ELOVL2: variants seen among roughly 807,000 people sequenced by gnomAD.
ELOVL2 encodes the protein ELOVL fatty acid elongase 2, also known as very long chain fatty acid elongase 2.
ELOVL2 carries 38 observed loss-of-function variants against 37.7 expected under a neutral mutation model. The observed-to-expected ratio is 1.01, with a 90% confidence interval of 0.78 to 1.32. The LOEUF (loss-of-function observed/expected upper bound fraction) is 1.32, where lower values mean the gene tolerates loss of function less well. Ranked by LOEUF, ELOVL2 falls within the 40% of genes most tolerant of loss-of-function variation. ELOVL2 has a pLI of 0.00. For missense variants in ELOVL2, 352 were observed against 363.6 expected, an observed-to-expected ratio of 0.97 and a Z score of 0.26; for synonymous variants, 115 against 122.3, an observed-to-expected ratio of 0.94 and a Z score of 0.40.
chr6:11,026,713 C>T (rs1161360220), intron 1 of ELOVL2, among the ~76,000 whole-genome samples: 1 of 152,194 alleles, frequency 6.6e-6, no homozygotes, highest in Non-Finnish European at 1.5e-5. Context: ...TAAAAGGCCT[C>T]TCTAGCTTTA....
rs1782057027 is a variant in ELOVL2, at chr6:10,986,540, T to G, written c.766-2634A>C. Among the ~76,000 whole-genome samples, 11 of 152,346 alleles carry G rather than the reference T, an allele frequency of 7.2e-5. No homozygotes were observed. The South Asian group carries it at 2.3e-3, about 32-fold the overall frequency. ...TACGTCCCATCAATACCTAATTTAC[T>G]GAGAGTTTTTAGCATGAAGGGTTGT... is the stretch of plus-strand genomic sequence containing the variant. On this transcript the variant is annotated intron_variant, in intron 7 of 7. Coordinates refer to ENST00000354666, the MANE Select transcript of ELOVL2 (RefSeq NM_017770.4).
At chr6:11,039,990 G>C (rs1783074241) in intron 1 of ELOVL2, among the ~76,000 whole-genome samples, 1 of 152,130 alleles carries the variant, frequency 6.6e-6, no homozygotes, top group Admixed American at 6.5e-5. Context: ...AAAACAAAGA[G>C]TCTACAAAAG....
At chr6:11,032,432 C>T (rs1002821457) in intron 1 of ELOVL2, among the ~76,000 whole-genome samples, 3 of 151,576 alleles carry the variant, frequency 2.0e-5, no homozygotes, top group Admixed American at 2.0e-4. Flanking sequence ...GCTTTTTCTA[C>T]TCTATGTACT....
intron 1 of ELOVL2, among the ~76,000 whole-genome samples, chr6:11,033,402 G>C (rs1473747193): frequency 6.6e-6 from 1 of 152,204 alleles, no homozygotes; most frequent in Admixed American, 6.5e-5. Context: ...GTGTACAACA[G>C]AGGATGAAAG....
chr6:11,023,128 C>A (rs1220338847), intron 1 of ELOVL2, among the ~76,000 whole-genome samples: 1 of 152,218 alleles, frequency 6.6e-6, no homozygotes, highest in Non-Finnish European at 1.5e-5. Flanking sequence ...ACTTCTTCCA[C>A]AGGAAGTGGT....
intron 1 of ELOVL2, among the ~76,000 whole-genome samples, chr6:11,027,137 G>T (rs933485603): frequency 2.0e-5 from 3 of 152,124 alleles, no homozygotes; most frequent in Non-Finnish European, 2.9e-5. Context: ...TGGTGTAAAT[G>T]CTTCTCACTT....
intron 1 of ELOVL2, 33 bp from the exon 2 acceptor site, chr6:11,010,842 T>C: frequency 6.5e-7 from 1 of 1,535,274 alleles, no homozygotes; most frequent in Non-Finnish European, 8.9e-7. Flanking sequence ...ATTTAAGTGT[T>C]TTTTTCTTCT....
intron 1 of ELOVL2, among the ~76,000 whole-genome samples, chr6:11,016,071 C>G (rs1782680106): frequency 7.0e-6 from 1 of 143,704 alleles, no homozygotes; most frequent in African/African-American, 2.5e-5. Flanking sequence ...TCTCTGGTAT[C>G]TAAAGGATAG....
chr6:11,004,416 C>CTT (rs74352598), intron 3 of ELOVL2, among the ~76,000 whole-genome samples: 16 of 142,008 alleles, frequency 1.1e-4, no homozygotes, highest in Non-Finnish European at 1.9e-4. Context: ...CTTTGTCCCT[C>CTT]TTTTTTTTTT....
chr6:11,042,708 G>A (rs1009337375), intron 1 of ELOVL2, among the ~76,000 whole-genome samples: 1 of 151,620 alleles, frequency 6.6e-6, no homozygotes, highest in African/African-American at 2.4e-5. Context: ...TGCCAAAATC[G>A]GGTCCCTCCT....
intron 1 of ELOVL2, among the ~76,000 whole-genome samples, chr6:11,036,689 T>C (rs1344612583): frequency 2.6e-5 from 4 of 151,996 alleles, no homozygotes; most frequent in Admixed American, 2.6e-4. Context: ...ATGTCTTCCC[T>C]GTAACAATTT....
intron 1 of ELOVL2, among the ~76,000 whole-genome samples, chr6:11,021,750 T>C (rs561550379): frequency 6.6e-6 from 1 of 152,282 alleles, no homozygotes; most frequent in Non-Finnish European, 1.5e-5. Flanking sequence ...AAACAGCAGT[T>C]TTCTAGTGTG....
rs776684119 is a variant in ELOVL2, at chr6:11,005,568, A to C, written c.68-9T>G. On this transcript the variant is annotated splice_polypyrimidine_tract_variant and intron_variant, in intron 2 of 7. Transcript: ENST00000354666. ...CCCTCTGACTCGAGAATCTGAAAAG[A>C]AACACATACAGTGAGGATCCTGAGG... 6.2e-7 allele frequency: 1 copy of C among 1,609,758 alleles called. No individual in the cohort carries two copies. Among genetic ancestry groups the C allele is most frequent in the South Asian group, 1.1e-5 (1 of 90,304 alleles).
chr6:11,021,422 G>A (rs1782764011), intron 1 of ELOVL2, among the ~76,000 whole-genome samples: 1 of 152,144 alleles, frequency 6.6e-6, no homozygotes, highest in African/African-American at 2.4e-5. Flanking sequence ...AAAATCTCAA[G>A]GGTCCACTTT....
chr6:10,982,431 T>TG lies in ELOVL2; in HGVS notation c.*1349dup, dbSNP rs1031542453. 2 of 152,152 alleles carry TG rather than the reference T, an allele frequency of 1.3e-5. No homozygotes were observed. The highest frequency in any genetic ancestry group is 2.9e-5 in the Non-Finnish European group (2 of 68,016). 9.4% of individuals were successfully genotyped at this position (152,152 alleles called of 1,614,324 possible). A position where few individuals can be genotyped will look rare whatever the true frequency, so the allele number is the denominator to read the frequency against. ...TAAAAAAATAAGGCAGGAGAGAAGA[T>TG]GAAGTGACTTCATCGAAGCTAACAA... On this transcript the variant is annotated 3_prime_UTR_variant, in exon 8 of 8. Transcript: ENST00000354666.
At chr6:11,002,651 T>C (rs538766746) in intron 3 of ELOVL2, among the ~76,000 whole-genome samples, 1 of 152,350 alleles carries the variant, frequency 6.6e-6, no homozygotes, top group Admixed American at 6.5e-5. Context: ...TGCAGATACG[T>C]TCTTCCTAGA....
intron 2 of ELOVL2, among the ~76,000 whole-genome samples, chr6:11,007,704 G>C (rs1475692977): frequency 1.3e-5 from 2 of 152,166 alleles, no homozygotes; most frequent in Non-Finnish European, 2.9e-5. Context: ...TTTCAGATGT[G>C]CTGGCTTTAC....
In ELOVL2 at chr6:11,002,959, T is replaced by C. The variant is rs529740502; in HGVS notation, c.255+2413A>G. On this transcript the variant is annotated intron_variant, in intron 3 of 7. Transcript: ENST00000354666. ...GGAGAAATATTGTATCTCTGCCTTATAGATAAGTTGCCTAAGGTTTGGAAA... is the reference window on the plus strand; with the variant it reads ...GGAGAAATATTGTATCTCTGCCTTACAGATAAGTTGCCTAAGGTTTGGAAA... Among the ~76,000 whole-genome samples, 10 of 152,348 alleles carry C rather than the reference T, an allele frequency of 6.6e-5. No homozygotes were observed. In the South Asian group the frequency reaches 1.9e-3, roughly 28 times the overall value.
intron 2 of ELOVL2, among the ~76,000 whole-genome samples, chr6:11,010,192 T>C (rs951639265): frequency 6.6e-6 from 1 of 151,952 alleles, no homozygotes; most frequent in Non-Finnish European, 1.5e-5. Flanking sequence ...CCTGGCTAAT[T>C]TTTGTAATTT....
Sources: allele counts gnomAD v4.1 joint callset (sites outside exome capture counted in the v4.1 genomes callset), GRCh38; gene constraint gnomAD v4.1.1; transcripts MANE v1.5; gene names NCBI Gene and HGNC (gene_info 2026-07-23, HGNC 2026-07-21).